The following ARMC2 variants were observed in gnomAD, a reference collection of about 807,000 sequenced individuals.
ARMC2 encodes the protein armadillo repeat containing 2.
ARMC2 carries 67 observed loss-of-function variants against 90.3 expected under a neutral mutation model. That is an observed-to-expected ratio of 0.74 (90% confidence interval 0.61 to 0.91). ARMC2 has a LOEUF of 0.91. ARMC2 is among the 40% of genes least tolerant of loss of function. ARMC2 has a pLI of 0.00. For missense variants in ARMC2, 920 were observed against 1,030.9 expected, an observed-to-expected ratio of 0.89 and a Z score of 1.47; for synonymous variants, 393 against 393.0, an observed-to-expected ratio of 1.00 and a Z score of 0.00.
the ARMC2 span, among the ~76,000 whole-genome samples, chr6:109,016,304 C>T: frequency 6.6e-6 from 1 of 152,212 alleles, no homozygotes. Context: ...CATGCCTCCC[C>T]ACCCTATGAT....
At chr6:109,044,024 C>T in the ARMC2 span, among the ~76,000 whole-genome samples, 3 of 151,930 alleles carry the variant, frequency 2.0e-5, no homozygotes, top group Non-Finnish European at 2.9e-5. Flanking sequence ...TTATTGTTAA[C>T]AAAGAAGTGG....
intron 10 of ARMC2, among the ~76,000 whole-genome samples, chr6:108,925,084 G>T (rs1483474439): frequency 6.6e-6 from 1 of 152,148 alleles, no homozygotes; most frequent in Non-Finnish European, 1.5e-5. Context: ...ATTCTGTGAT[G>T]GATGGGGGTT....
the ARMC2 span, among the ~76,000 whole-genome samples, chr6:108,979,800 T>G: frequency 5.7e-4 from 86 of 151,958 alleles, no homozygotes; most frequent in Middle Eastern, 6.8e-3. Context: ...TTGATACTTG[T>G]GTATGCTTCA....
chr6:108,881,580 G>C (rs1432010240), intron 5 of ARMC2, among the ~76,000 whole-genome samples: 7 of 152,150 alleles, frequency 4.6e-5, no homozygotes, highest in Non-Finnish European at 8.8e-5. Context: ...ATGTAGGCAG[G>C]CTGCGGGAGC....
downstream of ARMC2, among the ~76,000 whole-genome samples, chr6:108,978,228 C>T (rs1169571245): frequency 1.3e-5 from 2 of 152,116 alleles, no homozygotes; most frequent in Admixed American, 6.5e-5. Flanking sequence ...CAAAGAATGT[C>T]TTTATTTCTG....
the ARMC2 span, among the ~76,000 whole-genome samples, chr6:109,040,941 C>T: frequency 2.6e-5 from 4 of 151,866 alleles, no homozygotes; most frequent in Non-Finnish European, 2.9e-5. Context: ...CGTGAGCCAC[C>T]GCACCTGGCC....
At chr6:108,853,295 C>T (rs780390249) in intron 1 of ARMC2, among the ~76,000 whole-genome samples, 1 of 152,124 alleles carries the variant, frequency 6.6e-6, no homozygotes, top group Admixed American at 6.5e-5. Context: ...TATAGTAAAT[C>T]TTTATTTGTC....
intron 3 of ARMC2, among the ~76,000 whole-genome samples, chr6:108,859,344 T>C (rs1037774297): frequency 6.6e-6 from 1 of 152,070 alleles, no homozygotes; most frequent in Non-Finnish European, 1.5e-5. Context: ...TGTGCTGGCT[T>C]TTTCGTGGTT....
chr6:108,886,465 G>A (rs1385012502), intron 5 of ARMC2, among the ~76,000 whole-genome samples: 1 of 152,164 alleles, frequency 6.6e-6, no homozygotes, highest in African/African-American at 2.4e-5. Flanking sequence ...ACTACTTTTG[G>A]GAGGCTGTGG....
intron 1 of ARMC2, among the ~76,000 whole-genome samples, chr6:108,849,731 T>A (rs571362539): frequency 6.6e-6 from 1 of 152,278 alleles, no homozygotes; most frequent in African/African-American, 2.4e-5. Context: ...GCTAACGCAC[T>A]TTACATGTAT....
At chr6:108,989,281 G>A in the ARMC2 span, among the ~76,000 whole-genome samples, 2 of 152,168 alleles carry the variant, frequency 1.3e-5, no homozygotes, top group Non-Finnish European at 2.9e-5. Flanking sequence ...GGGATTATGG[G>A]CGTGAGCCAC....
the ARMC2 span, among the ~76,000 whole-genome samples, chr6:109,020,864 G>A: frequency 6.6e-6 from 1 of 152,126 alleles, no homozygotes; most frequent in African/African-American, 2.4e-5. Flanking sequence ...CTATCATCAT[G>A]AACAACACTT....
chr6:108,874,373 G>T (rs1000982316), intron 4 of ARMC2, among the ~76,000 whole-genome samples: 1 of 152,222 alleles, frequency 6.6e-6, no homozygotes, highest in Non-Finnish European at 1.5e-5. Flanking sequence ...ATAGTCGTGG[G>T]TGCTTAATAA....
At chr6:109,011,442 T>TA in the ARMC2 span, among the ~76,000 whole-genome samples, 1 of 152,106 alleles carries the variant, frequency 6.6e-6, no homozygotes, top group Non-Finnish European at 1.5e-5. Flanking sequence ...TTCAAGCCAT[T>TA]AAATGTCAAG....
At chr6:108,861,119 A>G (rs1582938766) in intron 3 of ARMC2, among the ~76,000 whole-genome samples, 1 of 152,322 alleles carries the variant, frequency 6.6e-6, no homozygotes, top group African/African-American at 2.4e-5. Flanking sequence ...ATGGAATTAC[A>G]CAGAATTTCA....
At chr6:108,994,468 A>G in the ARMC2 span, 2 of 1,611,546 alleles carry the variant, frequency 1.2e-6, no homozygotes, top group African/African-American at 2.7e-5. Context: ...TTACCTGAAG[A>G]GAAGACAAAC....
the ARMC2 span, among the ~76,000 whole-genome samples, chr6:109,023,888 T>C: frequency 6.6e-6 from 1 of 152,174 alleles, no homozygotes; most frequent in East Asian, 1.9e-4. Context: ...TAAGAGAATA[T>C]TGTAGATTGT....
the ARMC2 span, among the ~76,000 whole-genome samples, chr6:108,994,069 G>A: frequency 6.1e-5 from 9 of 148,090 alleles, no homozygotes; most frequent in Non-Finnish European, 1.2e-4. Flanking sequence ...GAGCCTAAGA[G>A]TCTCAGGTTA....
intron 11 of ARMC2, among the ~76,000 whole-genome samples, chr6:108,934,789 C>T (rs1423051910): frequency 6.6e-6 from 1 of 152,066 alleles, no homozygotes; most frequent in African/African-American, 2.4e-5. Context: ...AAAAGTTGCT[C>T]CAACTATTCT....
Sources: allele counts gnomAD v4.1 joint callset (sites outside exome capture counted in the v4.1 genomes callset), GRCh38; gene constraint gnomAD v4.1.1; transcripts MANE v1.5; gene names NCBI Gene and HGNC (gene_info 2026-07-23, HGNC 2026-07-21).